The following PIBF1 variants were observed in gnomAD, a reference collection of about 807,000 sequenced individuals.
The protein encoded by PIBF1 is progesterone-induced-blocking factor 1.
A neutral mutation model predicts 112.5 loss-of-function variants in PIBF1; 90 were observed. That is an observed-to-expected ratio of 0.80 (90% confidence interval 0.67 to 0.95). The LOEUF (loss-of-function observed/expected upper bound fraction) is 0.95. Ranked by LOEUF, PIBF1 falls within the 40% of genes least tolerant of loss-of-function variation. PIBF1 has a pLI of 0.00. For missense variants in PIBF1, 915 were observed against 852.3 expected, an observed-to-expected ratio of 1.07 and a Z score of -0.92; for synonymous variants, 301 against 288.6, an observed-to-expected ratio of 1.04 and a Z score of -0.44.
intron 5 of PIBF1, among the ~76,000 whole-genome samples, chr13:72,818,192 T>G (rs1052306381): frequency 4.6e-5 from 7 of 152,180 alleles, no homozygotes; most frequent in African/African-American, 2.4e-5. Flanking sequence ...CTTTACCTTT[T>G]TAGATCTTTG....
intron 17 of PIBF1, 100 bp from the exon 18 acceptor site, chr13:73,015,769 G>A (rs1306355719): frequency 4.1e-6 from 2 of 489,794 alleles, no homozygotes; most frequent in Non-Finnish European, 6.8e-6. Flanking sequence ...TTTTAGTATA[G>A]CTTACATAAA....
chr13:72,827,068 G>C lies in PIBF1; in HGVS notation c.865G>C (p.Glu289Gln). Residue 289 changes from glutamate to glutamine, a missense_variant, in exon 7 of 18, where the codon GAA becomes CAA. Glu to Gln is a conservative substitution (Grantham distance 29). Transcript: ENST00000326291. Reference sequence around the variant, plus strand: ...GCTTAGGAGAAAACATGAAATACTTGAAGCCTCTCACATGATTCAAACAAA... The same window carrying C: ...GCTTAGGAGAAAACATGAAATACTTCAAGCCTCTCACATGATTCAAACAAA... Reference protein sequence around the residue: ...IELRRKHEILEASHMIQTKER... With the variant: ...IELRRKHEILQASHMIQTKER... 1.9e-6 allele frequency: 3 copies of C among 1,605,842 alleles called. No individual in the cohort carries two copies. In the East Asian group the frequency reaches 6.7e-5, roughly 36 times the overall value.
intron 6 of PIBF1, among the ~76,000 whole-genome samples, chr13:72,823,557 A>G (rs1236868796): frequency 1.3e-5 from 2 of 152,188 alleles, no homozygotes; most frequent in East Asian, 3.8e-4. Flanking sequence ...TGGGGAAGAA[A>G]AAAAAGCCCT....
intron 9 of PIBF1, among the ~76,000 whole-genome samples, chr13:72,850,771 A>ATTCTG (rs11409082): frequency 2.6e-5 from 4 of 151,392 alleles, no homozygotes; most frequent in East Asian, 1.9e-4. Flanking sequence ...TGAGAACTTT[A>ATTCTG]TCTATAACAT....
At chr13:72,895,453 A>G (rs1397777821) in intron 11 of PIBF1, among the ~76,000 whole-genome samples, 1 of 151,856 alleles carries the variant, frequency 6.6e-6, no homozygotes, top group Non-Finnish European at 1.5e-5. Context: ...TTCGCCTTCT[A>G]CATAAATAAG....
chr13:72,836,597 G>A (rs1362618194), intron 9 of PIBF1, among the ~76,000 whole-genome samples: 1 of 152,086 alleles, frequency 6.6e-6, no homozygotes, highest in Non-Finnish European at 1.5e-5. Context: ...TTAAATTACT[G>A]TTAAATTGTT....
chr13:72,905,331 G>A (rs2040665746), intron 11 of PIBF1, among the ~76,000 whole-genome samples: 1 of 152,146 alleles, frequency 6.6e-6, no homozygotes, highest in Non-Finnish European at 1.5e-5. Flanking sequence ...CTCCCAAAGT[G>A]CTGGGATTAC....
At chr13:72,919,939 T>G (rs1892381) in intron 13 of PIBF1, among the ~76,000 whole-genome samples, 112,848 of 152,012 alleles carry the variant, frequency 0.74, 42,255 homozygotes, top group African/African-American at 0.81. Context: ...GTCCACTTAC[T>G]CTTCAGCCTG....
intron 10 of PIBF1, among the ~76,000 whole-genome samples, chr13:72,860,828 A>G (rs1236047091): frequency 6.6e-6 from 1 of 152,198 alleles, no homozygotes; most frequent in Non-Finnish European, 1.5e-5. Flanking sequence ...TTCTCAGGCA[A>G]ATAAAAGACT....
At chr13:72,866,326 G>A (rs965294588) in intron 10 of PIBF1, among the ~76,000 whole-genome samples, 1 of 152,058 alleles carries the variant, frequency 6.6e-6, no homozygotes, top group African/African-American at 2.4e-5. Context: ...AGGGTTGGGG[G>A]CACCATTCAA....
intron 8 of PIBF1, among the ~76,000 whole-genome samples, chr13:72,830,265 A>C (rs113605797): frequency 1.3e-5 from 2 of 151,976 alleles, no homozygotes; most frequent in Non-Finnish European, 2.9e-5. Flanking sequence ...AATACTCTTT[A>C]TTTCTTTCTC....
chr13:73,014,515 A>C (rs932244287), intron 17 of PIBF1, among the ~76,000 whole-genome samples: 7 of 152,156 alleles, frequency 4.6e-5, no homozygotes, highest in Non-Finnish European at 7.3e-5. Context: ...ATTTGTCCAA[A>C]CCCATAAAAT....
intron 9 of PIBF1, among the ~76,000 whole-genome samples, chr13:72,839,537 C>G (rs958036785): frequency 2.0e-5 from 3 of 152,170 alleles, no homozygotes; most frequent in Admixed American, 6.5e-5. Context: ...AGTATTATTA[C>G]TATTTTACAA....
chr13:72,972,352 C>T lies in PIBF1; in HGVS notation c.1965-1239C>T, dbSNP rs1329960122. ...CTGCCTCCATTTTCTTAAAGTAGAA[C>T]TTAAGTAGAACTTTAAAAATGTTTT... On this transcript the variant is annotated intron_variant, in intron 15 of 17. Coordinates refer to ENST00000326291, the MANE Select transcript of PIBF1 (RefSeq NM_006346.4). Among the ~76,000 whole-genome samples, 3 of 152,230 alleles carry T rather than the reference C, an allele frequency of 2.0e-5. No homozygotes were observed. In the South Asian group the frequency reaches 6.2e-4, roughly 32 times the overall value.
At chr13:72,827,609 G>A in intron 7 of PIBF1, 124 bp from the exon 8 acceptor site, 1 of 538,798 alleles carries the variant, frequency 1.9e-6, no homozygotes, top group Non-Finnish European at 3.1e-6. Flanking sequence ...CTAAGAATTA[G>A]CCCTTTTTAA....
intron 14 of PIBF1, among the ~76,000 whole-genome samples, chr13:72,964,603 G>A (rs1291307111): frequency 6.6e-6 from 1 of 152,100 alleles, no homozygotes; most frequent in South Asian, 2.1e-4. Flanking sequence ...GAATTATGGT[G>A]TGAATATTTT....
intron 14 of PIBF1, among the ~76,000 whole-genome samples, chr13:72,964,245 T>C (rs1433792842): frequency 6.6e-6 from 1 of 152,206 alleles, no homozygotes; most frequent in East Asian, 1.9e-4. Context: ...AGGACAAATA[T>C]TGTGTTATTC....
chr13:72,891,143 A>C (rs567999657), intron 10 of PIBF1, among the ~76,000 whole-genome samples: 25 of 152,254 alleles, frequency 1.6e-4, no homozygotes, highest in South Asian at 8.3e-4. Flanking sequence ...TATTAGTGCC[A>C]AAAGTAACTT....
rs141805152 is a variant in PIBF1 at position 72,791,037 on chromosome 13, T to TTTTGTTTGTTTG, written c.253-1386_253-1375dup. On this transcript the variant is annotated intron_variant, in intron 2 of 17. Transcript: ENST00000326291. ...TGGATTGGCTGTGAAATTCATGTAT[T>TTTTGTTTGTTTG]TTTGTTTGTTTGTTTGTTTGTTTGT... Among the ~76,000 whole-genome samples, 178 of 149,842 alleles carry TTTTGTTTGTTTG rather than the reference T, an allele frequency of 1.2e-3. 1 individual carries two copies. The highest frequency in any genetic ancestry group is 3.0e-3 in the Admixed American group (45 of 15,014).
Sources: allele counts gnomAD v4.1 joint callset (sites outside exome capture counted in the v4.1 genomes callset), GRCh38; gene constraint gnomAD v4.1.1; transcripts MANE v1.5; gene names NCBI Gene and HGNC (gene_info 2026-07-23, HGNC 2026-07-21).